The following EYS variants were observed in gnomAD, a reference collection of about 807,000 sequenced individuals.
EYS encodes the protein protein eyes shut homolog.
EYS carries 250 observed loss-of-function variants against 282.1 expected under a neutral mutation model. That is an observed-to-expected ratio of 0.89 (90% CI 0.80 to 0.98). The LOEUF (loss-of-function observed/expected upper bound fraction) is 0.98. EYS is among the 50% of genes least tolerant of loss of function. The pLI is 0.00. For missense variants in EYS, 4,016 were observed against 3,709.0 expected (o/e 1.08, Z -2.15); for synonymous variants, 1,355 against 1,282.9 (o/e 1.06, Z -1.20).
At chr6:65,639,695 C>G (rs1452955239) in intron 2 of EYS, 83 bp downstream of exon 2, 1 of 151,996 alleles carries the variant, frequency 6.6e-6, no homozygotes, top group African/African-American at 2.4e-5. Context: ...AATAAGGAAG[C>G]AAAAATTGCC....
chr6:64,144,201 A>G (rs1164171947), intron 31 of EYS, among the ~76,000 whole-genome samples: 1 of 152,164 alleles, frequency 6.6e-6, no homozygotes, highest in Non-Finnish European at 1.5e-5. Flanking sequence ...TAGGTCTAGA[A>G]TTATGCCACA....
At chr6:63,792,485 T>G (rs1471113260) in intron 37 of EYS, among the ~76,000 whole-genome samples, 1 of 152,080 alleles carries the variant, frequency 6.6e-6, no homozygotes, top group Admixed American at 6.5e-5. Context: ...AAATACCTAA[T>G]GTAAATGACG....
At chr6:64,866,215 A>T (rs944972218) in intron 19 of EYS, among the ~76,000 whole-genome samples, 5 of 151,942 alleles carry the variant, frequency 3.3e-5, no homozygotes, top group African/African-American at 7.2e-5. Context: ...TATCATGATT[A>T]TTTGGAATTT....
chr6:63,894,638 G>A (rs1432837514), intron 35 of EYS, among the ~76,000 whole-genome samples: 1 of 151,748 alleles, frequency 6.6e-6, no homozygotes, highest in African/African-American at 2.4e-5. Flanking sequence ...CTGGAGTGCA[G>A]TGGCACAATC....
intron 31 of EYS, among the ~76,000 whole-genome samples, chr6:64,106,762 T>G (rs1000936845): frequency 2.6e-5 from 4 of 152,068 alleles, no homozygotes; most frequent in Non-Finnish European, 4.4e-5. Flanking sequence ...CAAATATTTC[T>G]TTTTTCCATT....
rs143740487 is a variant in EYS at position 63,945,468 on chromosome 6, G to T, written c.7055+38915C>A. Among the ~76,000 whole-genome samples the T allele has an allele frequency of 4.5e-3, 688 of 152,204 alleles. 4 individuals are homozygous for T. Among genetic ancestry groups the T allele is most frequent in the African/African-American group, 0.015 (632 of 41,530 alleles). On this transcript the variant is annotated intron_variant, in intron 35 of 42. Transcript: ENST00000503581. ...CAAACCATATCAGCCATATATACAGGTAGGTTTAGGTAAAGATTAAAGGTT... is the reference window on the plus strand; with the variant it reads ...CAAACCATATCAGCCATATATACAGTTAGGTTTAGGTAAAGATTAAAGGTT...
intron 19 of EYS, among the ~76,000 whole-genome samples, chr6:64,877,764 A>C (rs1044426053): frequency 6.6e-6 from 1 of 152,202 alleles, no homozygotes; most frequent in Non-Finnish European, 1.5e-5. Flanking sequence ...GCAGGTTTCA[A>C]AATTCTTTTT....
chr6:63,926,000 A>C (rs1764706724), intron 35 of EYS, among the ~76,000 whole-genome samples: 4 of 148,174 alleles, frequency 2.7e-5, no homozygotes, highest in East Asian at 2.0e-4. Context: ...ATGCTCTCCC[A>C]CCCCTGGGCC....
intron 29 of EYS, among the ~76,000 whole-genome samples, chr6:64,351,967 A>G (rs186914373): frequency 6.6e-6 from 1 of 151,680 alleles, no homozygotes; most frequent in East Asian, 2.0e-4. Context: ...TAGGAGCCCC[A>G]TTTTCAAGAT....
At chr6:65,462,793 TG>T (rs1582328284) in intron 5 of EYS, among the ~76,000 whole-genome samples, 1 of 152,110 alleles carries the variant, frequency 6.6e-6, no homozygotes, top group East Asian at 1.9e-4. Flanking sequence ...ATTTTAAATA[TG>T]TATACTTTTT....
chr6:65,022,256 C>T (rs1772272160), intron 13 of EYS, among the ~76,000 whole-genome samples: 1 of 152,148 alleles, frequency 6.6e-6, no homozygotes, highest in South Asian at 2.1e-4. Flanking sequence ...TACAGAACCC[C>T]AGGTGACTAG....
chr6:64,789,978 A>T (rs961210511), intron 22 of EYS, among the ~76,000 whole-genome samples: 5 of 151,874 alleles, frequency 3.3e-5, no homozygotes, highest in African/African-American at 1.2e-4. Flanking sequence ...ATATCATTAG[A>T]TTTGTTCTTT....
chr6:65,440,938 T>C (rs1768297198), intron 5 of EYS, among the ~76,000 whole-genome samples: 1 of 147,382 alleles, frequency 6.8e-6, no homozygotes, highest in Non-Finnish European at 1.5e-5. Flanking sequence ...AAAAACAGTG[T>C]CTGTATATGT....
intron 35 of EYS, among the ~76,000 whole-genome samples, chr6:63,919,727 A>G (rs1014372353): frequency 5.3e-5 from 8 of 152,218 alleles, no homozygotes; most frequent in African/African-American, 1.4e-4. Context: ...GTACTTGCCA[A>G]CAAAACTTCC....
chr6:64,873,133 T>C (rs1200377371), intron 19 of EYS, among the ~76,000 whole-genome samples: 1 of 152,088 alleles, frequency 6.6e-6, no homozygotes, highest in African/African-American at 2.4e-5. Flanking sequence ...TTTATAGGAC[T>C]TACTGTTCCA....
At chr6:65,519,839 C>T (rs1354404028) in intron 2 of EYS, among the ~76,000 whole-genome samples, 1 of 146,830 alleles carries the variant, frequency 6.8e-6, no homozygotes, top group African/African-American at 2.5e-5. Flanking sequence ...ACCTCAACCT[C>T]CTGAGTAGCT....
intron 22 of EYS, among the ~76,000 whole-genome samples, chr6:64,701,126 T>G (rs1770771760): frequency 6.6e-6 from 1 of 152,048 alleles, no homozygotes; most frequent in East Asian, 1.9e-4. Context: ...GGAAAAAGGA[T>G]ACCCTATTCA....
At position 64,919,233 on chromosome 6, in the gene EYS, G is replaced by A. The variant is rs529190808; in HGVS notation, c.2382-6490C>T. Among the ~76,000 whole-genome samples the A allele has an allele frequency of 5.3e-5, 8 of 151,910 alleles. No individual in the cohort carries two copies. The East Asian group carries it at 5.8e-4, about 11-fold the overall frequency. On this transcript the variant is annotated intron_variant, in intron 15 of 42. Coordinates refer to ENST00000503581, the MANE Select transcript of EYS (RefSeq NM_001142800.2). ...GTCGCCCAGGCTGGAGTGCAGTGGC[G>A]CGTTCTCGGCTCACTGCAACTTCTG... is the stretch of plus-strand genomic sequence containing the variant.
In EYS at chr6:64,024,815, A is replaced by G. The variant is rs944890899; in HGVS notation, c.6726-25632T>C. On this transcript the variant is annotated intron_variant, in intron 33 of 42. Coordinates refer to ENST00000503581, the MANE Select transcript of EYS (RefSeq NM_001142800.2). ...GAACCCACCAGAAGGAAGAAACTCC[A>G]AACACATCCGAACATCAGAAGGAAC... 4.6e-5 allele frequency among the ~76,000 whole-genome samples: 7 copies of G among 152,058 alleles called. No homozygotes were observed. In the South Asian group the frequency reaches 8.3e-4, roughly 18 times the overall value.
Sources: gnomAD v4.1 joint callset for allele counts (sites outside exome capture counted in the v4.1 genomes callset) on GRCh38, gnomAD v4.1.1 for gene constraint, MANE v1.5 for transcripts, NCBI Gene and HGNC (gene_info 2026-07-23, HGNC 2026-07-21) for gene names.